The following SPOCK1 variants were observed in gnomAD, a reference collection of about 807,000 sequenced individuals.
SPOCK1 encodes SPARC (osteonectin), cwcv and kazal like domains proteoglycan 1.
Under a neutral mutation model 55.3 loss-of-function variants are expected in SPOCK1, and 23 were observed. That is an observed-to-expected ratio of 0.42 (90% confidence interval 0.30 to 0.59). SPOCK1 has a LOEUF of 0.59. Ranked by LOEUF, SPOCK1 falls within the 20% of genes least tolerant of loss-of-function variation. The pLI is 0.22. For missense variants in SPOCK1, 499 were observed against 552.5 expected (o/e 0.90, Z 0.97); for synonymous variants, 226 against 221.0 (o/e 1.02, Z -0.20).
At chr5:137,123,436 C>A (rs560517621) in intron 4 of SPOCK1, among the ~76,000 whole-genome samples, 1 of 152,266 alleles carries the variant, frequency 6.6e-6, no homozygotes, top group African/African-American at 2.4e-5. Flanking sequence ...GTGTTCCCAG[C>A]CACTCAAACA....
chr5:136,990,311 C>T (rs1750923160), intron 7 of SPOCK1, among the ~76,000 whole-genome samples: 1 of 151,932 alleles, frequency 6.6e-6, no homozygotes, highest in South Asian at 2.1e-4. Context: ...CTCTTATAAC[C>T]CTATGCTTCC....
intron 2 of SPOCK1, among the ~76,000 whole-genome samples, chr5:137,321,876 A>T (rs1757987833): frequency 6.6e-6 from 1 of 151,976 alleles, no homozygotes; most frequent in Non-Finnish European, 1.5e-5. Context: ...TCAAAAAGAA[A>T]AAAAAAAGAA....
At chr5:137,298,496 T>C (rs1757529759) in intron 2 of SPOCK1, among the ~76,000 whole-genome samples, 1 of 152,194 alleles carries the variant, frequency 6.6e-6, no homozygotes, top group African/African-American at 2.4e-5. Flanking sequence ...TCCACAAAAA[T>C]CAATTAGGTC....
At chr5:137,394,315 C>G (rs1751795013) in intron 2 of SPOCK1, among the ~76,000 whole-genome samples, 2 of 152,306 alleles carry the variant, frequency 1.3e-5, no homozygotes, top group Middle Eastern at 3.4e-3. Flanking sequence ...TCCCGTAGTA[C>G]TTAATGTCAA....
chr5:136,978,911 C>A, intron 10 of SPOCK1, 67 bp from the exon 11 acceptor site: 1 of 1,492,218 alleles, frequency 6.7e-7, no homozygotes. Context: ...TCAGGGGTTC[C>A]TTTGCCTGAA....
chr5:137,148,487 T>A (rs1754247911), intron 3 of SPOCK1, among the ~76,000 whole-genome samples: 1 of 152,204 alleles, frequency 6.6e-6, no homozygotes, highest in African/African-American at 2.4e-5. Context: ...GCTCCCCAGC[T>A]GCTCTGACAA....
chr5:137,495,067 T>C (rs1580959145), intron 2 of SPOCK1, among the ~76,000 whole-genome samples: 2 of 152,334 alleles, frequency 1.3e-5, no homozygotes, highest in East Asian at 3.9e-4. Context: ...TCCCAATTGC[T>C]AGTGTTTATA....
chr5:137,325,868 AAGCCACAC>A (rs1758066029), intron 2 of SPOCK1, among the ~76,000 whole-genome samples: 1 of 152,228 alleles, frequency 6.6e-6, no homozygotes, highest in Non-Finnish European at 1.5e-5. Context: ...AATAAAGAGA[AAGCCACAC>A]AGACATGTGG....
chr5:137,247,913 G>GC (rs1756427573), intron 3 of SPOCK1, among the ~76,000 whole-genome samples: 1 of 152,072 alleles, frequency 6.6e-6, no homozygotes, highest in Admixed American at 6.6e-5. Context: ...CGAGGGATCT[G>GC]CCCCCCAAAA....
intron 5 of SPOCK1, among the ~76,000 whole-genome samples, chr5:137,070,644 A>G (rs1268746841): frequency 6.6e-6 from 1 of 152,102 alleles, no homozygotes; most frequent in Non-Finnish European, 1.5e-5. Context: ...TCCTTTACCC[A>G]TGTCTACTCC....
intron 2 of SPOCK1, among the ~76,000 whole-genome samples, chr5:137,340,733 T>C (rs113210655): frequency 5.9e-5 from 9 of 152,098 alleles, no homozygotes; most frequent in African/African-American, 1.9e-4. Context: ...ATACAAAAAT[T>C]AGCTGGGCGT....
intron 3 of SPOCK1, among the ~76,000 whole-genome samples, chr5:137,228,229 A>G (rs1755982997): frequency 2.0e-5 from 3 of 152,252 alleles, no homozygotes; most frequent in Admixed American, 1.3e-4. Context: ...CACAGTTTGT[A>G]AAGATGGCTC....
intron 6 of SPOCK1, among the ~76,000 whole-genome samples, chr5:137,060,941 C>T (rs772551648): frequency 6.6e-6 from 1 of 152,186 alleles, no homozygotes. Context: ...ATGAATTTTT[C>T]TTCTTTGATG....
intron 2 of SPOCK1, among the ~76,000 whole-genome samples, chr5:137,318,922 T>C (rs150475910): frequency 6.6e-6 from 1 of 152,310 alleles, no homozygotes; most frequent in Non-Finnish European, 1.5e-5. Context: ...TCAAAGTTCA[T>C]TCATTCACAG....
chr5:137,007,038 G>A (rs918117780), intron 6 of SPOCK1, among the ~76,000 whole-genome samples: 11 of 152,166 alleles, frequency 7.2e-5, no homozygotes, highest in African/African-American at 2.6e-4. Flanking sequence ...CAAGCAGTGG[G>A]GAAAGGATTC....
rs762484340 is a variant in SPOCK1 at position 136,977,077 on chromosome 5, T to C, written c.*1577A>G. The C allele has an allele frequency of 6.6e-6, 1 of 152,236 alleles. No homozygotes were observed. The highest frequency in any genetic ancestry group is 1.5e-5 in the Non-Finnish European group (1 of 68,080). The allele number at this position is 152,236 out of a possible 1,614,324, so 9.4% of individuals were successfully genotyped here. On this transcript the variant is annotated 3_prime_UTR_variant, in exon 11 of 11. Transcript: ENST00000394945. Reference sequence around the variant, plus strand: ...AGAGAGGCTTGCTTGGGTGGCTGATTCTGATTAGGACACCCTGATAAATGA... The same window carrying C: ...AGAGAGGCTTGCTTGGGTGGCTGATCCTGATTAGGACACCCTGATAAATGA...
chr5:137,162,262 C>T (rs1452210988), intron 3 of SPOCK1, among the ~76,000 whole-genome samples: 4 of 151,826 alleles, frequency 2.6e-5, no homozygotes, highest in Admixed American at 6.6e-5. Context: ...CTCATTCTCC[C>T]GACTAGCTGG....
intron 3 of SPOCK1, among the ~76,000 whole-genome samples, chr5:137,207,557 G>A (rs1002885799): frequency 8.5e-5 from 13 of 152,304 alleles, no homozygotes; most frequent in South Asian, 4.1e-4. Flanking sequence ...TCCTCTGCCA[G>A]TGTGAGATGG....
At chr5:137,194,661 G>T (rs935764226) in intron 3 of SPOCK1, among the ~76,000 whole-genome samples, 8 of 152,018 alleles carry the variant, frequency 5.3e-5, no homozygotes, top group African/African-American at 1.7e-4. Flanking sequence ...CTCTTTCCCG[G>T]GCACCAGACT....
Sources: gnomAD v4.1 joint callset for allele counts (sites outside exome capture counted in the v4.1 genomes callset) on GRCh38, gnomAD v4.1.1 for gene constraint, MANE v1.5 for transcripts, NCBI Gene and HGNC (gene_info 2026-07-23, HGNC 2026-07-21) for gene names.